LRRTM4: variants seen among roughly 807,000 people sequenced by gnomAD.
LRRTM4 encodes the protein leucine-rich repeat transmembrane neuronal protein 4.
LRRTM4 carries 25 observed loss-of-function variants against 47.6 expected under a neutral mutation model. That is an observed-to-expected ratio of 0.53 (90% CI 0.38 to 0.73). LRRTM4 has a LOEUF of 0.73. Ranked by LOEUF, LRRTM4 falls within the 30% of genes least tolerant of loss-of-function variation. The probability of loss-of-function intolerance (pLI) is 0.00; values close to 1 mark genes in which losing one functional copy is unlikely to be tolerated. For missense variants in LRRTM4, 638 were observed against 713.4 expected (o/e 0.89, Z 1.20); for synonymous variants, 311 against 269.5 (o/e 1.15, Z -1.51).
intron 3 of LRRTM4, among the ~76,000 whole-genome samples, chr2:77,324,046 G>C (rs948664652): frequency 6.6e-6 from 1 of 152,062 alleles, no homozygotes; most frequent in African/African-American, 2.4e-5. Context: ...CTAACCAACA[G>C]AATACAGATT....
chr2:77,307,114 A>G (rs1283407256), intron 3 of LRRTM4, among the ~76,000 whole-genome samples: 1 of 151,608 alleles, frequency 6.6e-6, no homozygotes, highest in Non-Finnish European at 1.5e-5. Context: ...GTTAGCCAGG[A>G]TGGTCTCGAT....
Position 76,778,456 on chromosome 2 carries a change from C to G in LRRTM4, c.1552-29540G>C, listed in dbSNP as rs1488463609. 3.4e-5 allele frequency among the ~76,000 whole-genome samples: 5 copies of G among 147,824 alleles called. No individual in the cohort carries two copies. The East Asian group carries it at 9.7e-4, about 29-fold the overall frequency. On this transcript the variant is annotated intron_variant, in intron 3 of 3. Coordinates refer to ENST00000409884, the MANE Select transcript of LRRTM4 (RefSeq NM_001134745.3). ...TTTCAGCTCCTGTTATTGGTCTATT[C>G]AGAGATTCAACTTCTTCCTGGGTTA...
chr2:76,972,863 G>T (rs540644063), intron 3 of LRRTM4, among the ~76,000 whole-genome samples: 2 of 152,046 alleles, frequency 1.3e-5, no homozygotes, highest in South Asian at 4.1e-4. Flanking sequence ...CTTTCACTAA[G>T]AATTTCACCA....
At chr2:77,263,757 C>A (rs7567766) in intron 3 of LRRTM4, among the ~76,000 whole-genome samples, 18,694 of 152,008 alleles carry the variant, frequency 0.12, 3,860 homozygotes, top group African/African-American at 0.42. Context: ...AATTAAGCTT[C>A]TTTTACTGTA....
intron 3 of LRRTM4, among the ~76,000 whole-genome samples, chr2:77,458,731 G>T (rs1381822540): frequency 6.6e-6 from 1 of 150,938 alleles, no homozygotes; most frequent in Non-Finnish European, 1.5e-5. Context: ...CCATTGCTAC[G>T]GTTTATTCTG....
At chr2:76,803,616 A>C (rs1396314623) in intron 3 of LRRTM4, among the ~76,000 whole-genome samples, 1 of 152,178 alleles carries the variant, frequency 6.6e-6, no homozygotes, top group Non-Finnish European at 1.5e-5. Context: ...AAGGAAATAA[A>C]ATCAGTGAAA....
At chr2:77,258,859 A>G (rs1675839979) in intron 3 of LRRTM4, among the ~76,000 whole-genome samples, 1 of 152,048 alleles carries the variant, frequency 6.6e-6, no homozygotes, top group Non-Finnish European at 1.5e-5. Context: ...TTAGAATAAT[A>G]TAAGAGTGAT....
chr2:77,517,744 T>C (rs928047430), intron 3 of LRRTM4: 3 of 983,256 alleles, frequency 3.1e-6, no homozygotes, highest in African/African-American at 3.5e-5. Flanking sequence ...AATTACACAG[T>C]AGGCCTCTGA....
chr2:77,365,816 G>A (rs1672420574), intron 3 of LRRTM4, among the ~76,000 whole-genome samples: 1 of 150,616 alleles, frequency 6.6e-6, no homozygotes, highest in African/African-American at 2.4e-5. Context: ...CTATTTGATG[G>A]AAATGTGTAT....
chr2:76,995,219 T>C (rs1677157497), intron 3 of LRRTM4, among the ~76,000 whole-genome samples: 1 of 152,088 alleles, frequency 6.6e-6, no homozygotes, highest in African/African-American at 2.4e-5. Context: ...TCATATTTCC[T>C]ATGAATTAAG....
intron 3 of LRRTM4, among the ~76,000 whole-genome samples, chr2:76,763,771 TAGA>T (rs1373754959): frequency 6.6e-5 from 10 of 152,162 alleles, no homozygotes; most frequent in African/African-American, 2.2e-4. Context: ...GGTAGAAATA[TAGA>T]AGAAGTTAAA....
intron 3 of LRRTM4, among the ~76,000 whole-genome samples, chr2:76,812,776 C>CCCCCCTCCTCTCCCTCCCCCCTT (rs146074054): frequency 1.2e-5 from 1 of 85,630 alleles, no homozygotes; most frequent in African/African-American, 5.7e-5. Flanking sequence ...CTCTCCCTCC[C>CCCCCCTCCTCTCCCTCCCCCCTT]CCTCCTCCTC....
At chr2:77,470,786 C>A (rs1030880594) in intron 3 of LRRTM4, among the ~76,000 whole-genome samples, 2 of 152,096 alleles carry the variant, frequency 1.3e-5, no homozygotes, top group South Asian at 4.1e-4. Flanking sequence ...ACAACTGCAC[C>A]TTTCCATTTA....
intron 3 of LRRTM4, among the ~76,000 whole-genome samples, chr2:77,333,728 G>A (rs935503403): frequency 2.6e-5 from 4 of 152,202 alleles, no homozygotes; most frequent in African/African-American, 7.2e-5. Flanking sequence ...GGAAATGTGG[G>A]ATTGGAGCCC....
chr2:77,156,598 A>G (rs997331580), intron 3 of LRRTM4, among the ~76,000 whole-genome samples: 2 of 152,136 alleles, frequency 1.3e-5, no homozygotes, highest in African/African-American at 4.8e-5. Flanking sequence ...AACACCATAT[A>G]TAATTTAGAA....
chr2:77,134,168 G>C (rs544331030), intron 3 of LRRTM4, among the ~76,000 whole-genome samples: 4 of 152,078 alleles, frequency 2.6e-5, no homozygotes, highest in African/African-American at 9.6e-5. Context: ...ATAATCAAGA[G>C]CTGACTTTAA....
intron 3 of LRRTM4, among the ~76,000 whole-genome samples, chr2:76,957,374 C>T (rs902525279): frequency 1.3e-5 from 2 of 151,582 alleles, no homozygotes; most frequent in African/African-American, 4.8e-5. Context: ...TTACTGTACA[C>T]GTATGTTAAA....
At chr2:77,112,639 T>C (rs1048153608) in intron 3 of LRRTM4, among the ~76,000 whole-genome samples, 2 of 152,070 alleles carry the variant, frequency 1.3e-5, no homozygotes, top group Admixed American at 6.5e-5. Flanking sequence ...TAAGCTTTTT[T>C]TTTTGAGGTA....
chr2:76,989,197 C>A (rs1487735059), intron 3 of LRRTM4, among the ~76,000 whole-genome samples: 1 of 151,526 alleles, frequency 6.6e-6, no homozygotes, highest in Non-Finnish European at 1.5e-5. Context: ...TACCCCTGTC[C>A]CTGAATAAAG....
Sources: allele counts gnomAD v4.1 joint callset (sites outside exome capture counted in the v4.1 genomes callset), GRCh38; gene constraint gnomAD v4.1.1; transcripts MANE v1.5; gene names NCBI Gene and HGNC (gene_info 2026-07-23, HGNC 2026-07-21).